The following MTMR3 variants were observed in gnomAD, a reference collection of about 807,000 sequenced individuals.
MTMR3 encodes the protein myotubularin related protein 3, also known as phosphatidylinositol-3,5-bisphosphate 3-phosphatase MTMR3.
A neutral mutation model predicts 132.4 loss-of-function variants in MTMR3; 32 were observed. The observed-to-expected ratio is 0.24, with a 90% CI of 0.18 to 0.32. The LOEUF is 0.32. Among genes scored for constraint, MTMR3 ranks in the 10% least tolerant of loss-of-function variants. MTMR3 has a pLI of 1.00. For synonymous variants in MTMR3, 556 were observed against 550.3 expected, an observed-to-expected ratio of 1.01 and a Z score of -0.14; for missense variants, 1,216 against 1,489.6, an observed-to-expected ratio of 0.82 and a Z score of 3.02.
intron 2 of MTMR3, among the ~76,000 whole-genome samples, chr22:29,957,553 G>GCAATC (rs1341314073): frequency 6.6e-6 from 1 of 151,976 alleles, no homozygotes; most frequent in East Asian, 1.9e-4. Context: ...CTGGGCTACA[G>GCAATC]CAATCCTCCT....
At chr22:29,997,719 C>T (rs2067089681) in intron 7 of MTMR3, 1 of 152,118 alleles carries the variant, frequency 6.6e-6, no homozygotes. Flanking sequence ...GATTCCATGA[C>T]CTGTTAACCT....
rs759208228 is a variant in MTMR3, at chr22:30,007,246, T to G, written c.804T>G (p.Ser268Arg). 5 of 1,614,016 alleles carry G rather than the reference T, an allele frequency of 3.1e-6. No individual in the cohort carries two copies. The highest frequency in any genetic ancestry group is 2.5e-6 in the Non-Finnish European group (3 of 1,180,018). The change falls in exon 10 of 20, where the codon AGT becomes AGG. Residue 268 changes from serine to arginine, a missense_variant. Physicochemically the swap from Ser to Arg is moderately radical, Grantham distance 110 (BLOSUM62 -1). This residue lies in a region of MTMR3 where 129 missense variants were observed against 245.7 expected (regional missense o/e 0.53). Transcript: ENST00000401950. ...CTTGTGCCTCTGACTCCCGATCGAG[T>G]GGCAGCAAGCTGTCAACTAGGAACA... Reference protein sequence around the residue: ...AKACASDSRSSGSKLSTRNTS... With the variant: ...AKACASDSRSRGSKLSTRNTS...
In MTMR3 at chr22:29,970,962, C is replaced by T. The variant is rs2066522404; in HGVS notation, c.-84-14C>T. Reference sequence around the variant, plus strand: ...TTTTTTTTTCTTCTTCCCCCTCTTCCCCCCCACCCCCAGACTTCACCATAA... The same window carrying T: ...TTTTTTTTTCTTCTTCCCCCTCTTCTCCCCCACCCCCAGACTTCACCATAA... On this transcript the variant is annotated splice_polypyrimidine_tract_variant and intron_variant, in intron 2 of 19. Transcript: ENST00000401950. 2.1e-5 allele frequency: 11 copies of T among 532,084 alleles called. No homozygotes were observed. Among genetic ancestry groups the T allele is most frequent in the South Asian group, 3.3e-5 (1 of 29,932 alleles). The allele number at this position is 532,084 out of a possible 1,614,324, so 33.0% of individuals were successfully genotyped here. A position where few individuals can be genotyped will look rare whatever the true frequency, so the allele number is the denominator to read the frequency against.
In MTMR3 at chr22:30,027,000, T is replaced by C. The variant is rs1477807263; in HGVS notation, c.*1199T>C. ...CACTTGGTGACTTCGTAGGGTTCCT[T>C]AGAGAAGTGACATGGCCTTGAGGAG... On this transcript the variant is annotated 3_prime_UTR_variant, in exon 20 of 20. Transcript: ENST00000401950. The C allele has an allele frequency of 6.5e-6, 1 of 152,782 alleles. No individual in the cohort carries two copies. The highest frequency in any genetic ancestry group is 1.5e-5 in the Non-Finnish European group (1 of 68,050). The allele number at this position is 152,782 out of a possible 1,614,324, so 9.5% of individuals were successfully genotyped here.
intron 17 of MTMR3, chr22:30,021,195 A>G (rs762171165): frequency 5.5e-6 from 2 of 360,418 alleles, no homozygotes; most frequent in African/African-American, 2.0e-5. Context: ...GCTTGAACCC[A>G]TGGGCAGAAT....
At chr22:29,983,094 T>TTA (rs2066788170) in intron 5 of MTMR3, 1 of 152,164 alleles carries the variant, frequency 6.6e-6, no homozygotes. Flanking sequence ...GTTTTGAGTG[T>TTA]TAGATGCTCA....
chr22:29,960,717 TCA>T (rs1832286618), intron 2 of MTMR3, among the ~76,000 whole-genome samples: 1 of 152,218 alleles, frequency 6.6e-6, no homozygotes, highest in African/African-American at 2.4e-5. Flanking sequence ...AAACTGAGGC[TCA>T]GAGAGGTAGT....
At chr22:29,987,776 C>G (rs1160967991) in intron 5 of MTMR3, 2 of 152,244 alleles carry the variant, frequency 1.3e-5, no homozygotes, top group African/African-American at 2.4e-5. Flanking sequence ...GTTCAAACCT[C>G]AAGCCCCATT....
intron 3 of MTMR3, 86 bp downstream of exon 3, chr22:29,971,148 C>A (rs1217351511): frequency 1.1e-5 from 15 of 1,382,966 alleles, no homozygotes; most frequent in African/African-American, 2.9e-5. Context: ...TTCATACTTA[C>A]CCATTTTTGT....
chr22:29,902,234 AT>A (rs1325227086), intron 1 of MTMR3, among the ~76,000 whole-genome samples: 2 of 152,106 alleles, frequency 1.3e-5, no homozygotes, highest in African/African-American at 4.8e-5. Flanking sequence ...AGTCATTAGA[AT>A]TTTTTTAAAT....
At chr22:29,964,466 T>C (rs913842396) in intron 2 of MTMR3, among the ~76,000 whole-genome samples, 3 of 152,242 alleles carry the variant, frequency 2.0e-5, no homozygotes, top group Non-Finnish European at 4.4e-5. Context: ...CTTTTTCTTA[T>C]GGATTTGGAA....
At chr22:29,989,477 T>A (rs1166724483) in intron 6 of MTMR3, 1 of 152,200 alleles carries the variant, frequency 6.6e-6, no homozygotes, top group Admixed American at 6.5e-5. Flanking sequence ...TCTGCCCGTC[T>A]CGGCTTCCCA....
chr22:30,003,121 ACTTC>A (rs1280573261), intron 9 of MTMR3, 128 bp downstream of exon 9: 10 of 657,258 alleles, frequency 1.5e-5, no homozygotes, highest in Admixed American at 7.6e-5. Context: ...GCAAGGCTGT[ACTTC>A]CTTATTGTTA....
intron 7 of MTMR3, chr22:29,994,186 CTGTT>C (rs1367114737): frequency 1.0e-6 from 1 of 971,050 alleles, no homozygotes; most frequent in Non-Finnish European, 1.2e-6. Context: ...GCAATCATAA[CTGTT>C]TGGCTAGAGA....
At chr22:29,931,170 T>C (rs1484637565) in intron 1 of MTMR3, among the ~76,000 whole-genome samples, 1 of 152,160 alleles carries the variant, frequency 6.6e-6, no homozygotes, top group Non-Finnish European at 1.5e-5. Context: ...AATTCTGCAG[T>C]GGAAATACTG....
At chr22:29,893,888 C>T (rs968991579) in intron 1 of MTMR3, among the ~76,000 whole-genome samples, 4 of 152,088 alleles carry the variant, frequency 2.6e-5, no homozygotes, top group African/African-American at 9.7e-5. Flanking sequence ...CTCTGTCACC[C>T]AGGCTGGAGT....
At chr22:29,896,867 T>TCACACACACACACA (rs1491465662) in intron 1 of MTMR3, among the ~76,000 whole-genome samples, 125 of 36,710 alleles carry the variant, frequency 3.4e-3, no homozygotes, top group African/African-American at 6.2e-3. Flanking sequence ...AACAGGCTTG[T>TCACACACACACACA]CTCACACACA....
rs564712862 is a variant in MTMR3 at position 30,026,292 on chromosome 22, A to G, written c.*491A>G. 1.5e-3 allele frequency: 248 copies of G among 160,622 alleles called. No individual in the cohort carries two copies. The highest frequency in any genetic ancestry group is 5.7e-3 in the African/African-American group (239 of 41,698). 9.9% of individuals were successfully genotyped at this position (160,622 alleles called of 1,614,324 possible). On this transcript the variant is annotated 3_prime_UTR_variant, in exon 20 of 20. Coordinates refer to ENST00000401950, the MANE Select transcript of MTMR3 (RefSeq NM_021090.4). ...AACCCTTTGCTGCTGGGGAGGCTGG[A>G]AGCATATTCCCCAAGAGCACTGCCC... is the stretch of plus-strand genomic sequence containing the variant.
At chr22:30,021,988 G>A (rs1601440236) in intron 17 of MTMR3, 41 bp from the exon 18 acceptor site, 2 of 1,510,300 alleles carry the variant, frequency 1.3e-6, no homozygotes, top group East Asian at 4.5e-5. Context: ...TTTGGGAGGA[G>A]ACCAGGTTCA....
Sources: gnomAD v4.1 joint callset for allele counts (sites outside exome capture counted in the v4.1 genomes callset) on GRCh38, gnomAD v4.1.1 for gene constraint, gnomAD v4.1.1 regional missense constraint, MANE v1.5 for transcripts, NCBI Gene and HGNC (gene_info 2026-07-23, HGNC 2026-07-21) for gene names.